Variants in STOM observed in about 807,000 individuals in gnomAD.
STOM encodes the protein stomatin, also known as erythrocyte band 7 integral membrane protein.
A neutral mutation model predicts 30.6 loss-of-function variants in STOM; 25 were observed. That is an observed-to-expected ratio of 0.82 (90% CI 0.60 to 1.14). STOM has a LOEUF of 1.14. Among genes scored for constraint, STOM ranks in the 50% most tolerant of loss-of-function variants. The probability of loss-of-function intolerance (pLI) is 0.00; values close to 1 mark genes in which losing one functional copy is unlikely to be tolerated. For synonymous variants in STOM, 118 were observed against 130.8 expected (o/e 0.90, Z 0.67); for missense variants, 292 against 365.2 (o/e 0.80, Z 1.63).
At chr9:121,347,035 T>C (rs1170029185) in intron 6 of STOM, among the ~76,000 whole-genome samples, 1 of 152,232 alleles carries the variant, frequency 6.6e-6, no homozygotes, top group Non-Finnish European at 1.5e-5. Context: ...TGTGGAACCA[T>C]ATTATTATGC....
intron 6 of STOM, among the ~76,000 whole-genome samples, chr9:121,345,382 G>A (rs559183089): frequency 8.9e-4 from 136 of 152,160 alleles, no homozygotes; most frequent in African/African-American, 3.0e-3. Context: ...TGTGACATCC[G>A]CTTATAATGT....
rs76269651 is a variant in STOM, at chr9:121,366,267, G to T, written c.61+3860C>A. ...GTTTCTTTAGTAGTCCCAGCAGACA[G>T]AGAAAGATTAAAAAAGAATGTAGCA... On this transcript the variant is annotated intron_variant, in intron 1 of 6. Transcript: ENST00000286713. 34,892 of 984,616 alleles carry T rather than the reference G, an allele frequency of 0.035. 724 individuals are homozygous for T. Among genetic ancestry groups the T allele is most frequent in the Middle Eastern group, 0.044 (84 of 1,912 alleles). The allele number at this position is 984,616 out of a possible 1,614,324, so 61.0% of individuals were successfully genotyped here. A position where few individuals can be genotyped will look rare whatever the true frequency, so the allele number is the denominator to read the frequency against.
rs1318433915 is a variant in STOM at position 121,357,437 on chromosome 9, A to ATATATATATATATATATATATATATATT, written c.62-1282_62-1281insAATATATATATATATATATATATATATA. 6.4e-3 allele frequency among the ~76,000 whole-genome samples: 578 copies of ATATATATATATATATATATATATATATT among 90,418 alleles called. 1 individual carries two copies. The highest frequency in any genetic ancestry group is 0.014 in the African/African-American group (290 of 21,474). The allele number at this position is 90,418 out of a possible 152,430, so 59.3% of individuals were successfully genotyped here. A position where few individuals can be genotyped will look rare whatever the true frequency, so the allele number is the denominator to read the frequency against. On this transcript the variant is annotated intron_variant, in intron 1 of 6. Coordinates refer to ENST00000286713, the MANE Select transcript of STOM (RefSeq NM_004099.6). Reference sequence around the variant, plus strand: ...ATATTTTTAAATGATATATATATATATATTTATTTATTTATTTTTTGAGAC... The same window carrying ATATATATATATATATATATATATATATT: ...ATATTTTTAAATGATATATATATATATATATATATATATATATATATATATATTTATTTATTTATTTATTTTTTGAGAC...
chr9:121,348,973 T>G (rs1004595303), intron 5 of STOM, 147 bp downstream of exon 5: 2 of 833,132 alleles, frequency 2.4e-6, no homozygotes, highest in Admixed American at 5.8e-5. Flanking sequence ...TGTCCCCTCC[T>G]GCCAAATTTG....
At chr9:121,350,689 C>T (rs1427379976) in intron 4 of STOM, among the ~76,000 whole-genome samples, 1 of 152,162 alleles carries the variant, frequency 6.6e-6, no homozygotes, top group Non-Finnish European at 1.5e-5. Context: ...AATAATACTG[C>T]CTAATTCTAT....
chr9:121,340,984 T>A lies in STOM; in HGVS notation c.*218A>T. On this transcript the variant is annotated 3_prime_UTR_variant, in exon 7 of 7. Coordinates refer to ENST00000286713, the MANE Select transcript of STOM (RefSeq NM_004099.6). Reference sequence around the variant, plus strand: ...TACATAATAATCTAAAAATACAAACTTTTAACTATTTTAAGACTAACAGAT... The same window carrying A: ...TACATAATAATCTAAAAATACAAACATTTAACTATTTTAAGACTAACAGAT... 7.2e-7 allele frequency: 1 copy of A among 1,396,792 alleles called. No homozygotes were observed. Among genetic ancestry groups the A allele is most frequent in the Non-Finnish European group, 9.3e-7 (1 of 1,077,530 alleles). 86.5% of individuals were successfully genotyped at this position (1,396,792 alleles called of 1,614,324 possible).
chr9:121,350,551 G>A (rs2064330309), intron 4 of STOM, among the ~76,000 whole-genome samples: 1 of 152,206 alleles, frequency 6.6e-6, no homozygotes, highest in African/African-American at 2.4e-5. Flanking sequence ...AGTGACCGAT[G>A]AGGAACACAG....
At chr9:121,353,798 G>C (rs1427723961) in intron 3 of STOM, among the ~76,000 whole-genome samples, 2 of 152,034 alleles carry the variant, frequency 1.3e-5, no homozygotes, top group Non-Finnish European at 2.9e-5. Flanking sequence ...TTGTTGCTTT[G>C]TGTATGTTGC....
chr9:121,342,360 C>A, intron 6 of STOM, among the ~76,000 whole-genome samples: 1 of 142,696 alleles, frequency 7.0e-6, no homozygotes. Context: ...GAATGAGAAT[C>A]TGTCTCAAAA....
chr9:121,367,008 G>A (rs2134048492), intron 1 of STOM, among the ~76,000 whole-genome samples: 1 of 152,038 alleles, frequency 6.6e-6, no homozygotes, highest in South Asian at 2.1e-4. Flanking sequence ...GATCACTTGA[G>A]GCTACAGTGA....
At chr9:121,347,325 A>G (rs1352486971) in intron 6 of STOM, among the ~76,000 whole-genome samples, 1 of 152,194 alleles carries the variant, frequency 6.6e-6, no homozygotes, top group Non-Finnish European at 1.5e-5. Flanking sequence ...TATCATCTTT[A>G]AAGATACTCT....
intron 4 of STOM, among the ~76,000 whole-genome samples, chr9:121,352,240 C>T (rs2064345948): frequency 3.9e-5 from 6 of 152,142 alleles, no homozygotes; most frequent in Admixed American, 3.9e-4. Context: ...TAATACTTAA[C>T]ACAATGTAAA....
At chr9:121,353,835 G>C (rs1332128338) in intron 3 of STOM, among the ~76,000 whole-genome samples, 2 of 152,096 alleles carry the variant, frequency 1.3e-5, no homozygotes, top group African/African-American at 4.8e-5. Flanking sequence ...ACCTCCTGTT[G>C]GTTAACACCT....
chr9:121,362,008 G>A (rs376529004), intron 1 of STOM, among the ~76,000 whole-genome samples: 2 of 152,188 alleles, frequency 1.3e-5, no homozygotes, highest in South Asian at 4.1e-4. Context: ...TCTGTGGCCT[G>A]GGAGTTGGGG....
At chr9:121,367,662 C>G (rs1332576913) in intron 1 of STOM, among the ~76,000 whole-genome samples, 1 of 152,200 alleles carries the variant, frequency 6.6e-6, no homozygotes, top group East Asian at 1.9e-4. Context: ...TTGCCCTAGG[C>G]CTGGTGCTAT....
At chr9:121,342,909 G>C (rs1379223832) in intron 6 of STOM, among the ~76,000 whole-genome samples, 2 of 152,188 alleles carry the variant, frequency 1.3e-5, no homozygotes, top group Non-Finnish European at 2.9e-5. Flanking sequence ...AAATGGACTT[G>C]AGTTCAAATC....
Position 121,348,244 on chromosome 9 carries a change from T to C in STOM, c.526-95A>G. On this transcript the variant is annotated intron_variant, in intron 5 of 6. Transcript: ENST00000286713. ...TTGGGATTTGGAGGAGATAAGGTGC[T>C]GGGGAGAGTTGTGGAGAGACAGTTA... 1.9e-6 allele frequency: 3 copies of C among 1,562,122 alleles called. No individual in the cohort carries two copies. The East Asian group carries it at 6.8e-5, about 35-fold the overall frequency.
At chr9:121,348,330 A>G (rs2064307867) in intron 5 of STOM, among the ~76,000 whole-genome samples, 181 bp from the exon 6 acceptor site, 1 of 152,234 alleles carries the variant, frequency 6.6e-6, no homozygotes, top group Admixed American at 6.5e-5. Flanking sequence ...TCTGTTGCTA[A>G]CAAGCTAATG....
intron 1 of STOM, among the ~76,000 whole-genome samples, chr9:121,357,424 G>GATATTGATATATATATAT (rs1554831050): frequency 4.2e-5 from 4 of 95,412 alleles, no homozygotes; most frequent in African/African-American, 9.6e-5. Flanking sequence ...ATTTTTAAAT[G>GATATTGATATATATATAT]ATATATATAT....
Sources: gnomAD v4.1 joint callset for allele counts (sites outside exome capture counted in the v4.1 genomes callset) on GRCh38, gnomAD v4.1.1 for gene constraint, MANE v1.5 for transcripts, NCBI Gene and HGNC (gene_info 2026-07-23, HGNC 2026-07-21) for gene names.